The following RPS6KC1 variants were observed in gnomAD, a reference collection of about 807,000 sequenced individuals.
RPS6KC1 encodes the protein inactive ribosomal protein S6 kinase delta-1.
In RPS6KC1, 54 loss-of-function variants were observed where a neutral mutation model predicts 103.8. That is an observed-to-expected ratio of 0.52 (90% confidence interval 0.42 to 0.65). RPS6KC1 has a LOEUF of 0.65. Among genes scored for constraint, RPS6KC1 ranks in the 30% least tolerant of loss-of-function variants. The pLI is 0.00. For synonymous variants in RPS6KC1, 439 were observed against 438.7 expected (o/e 1.00, Z -0.01); for missense variants, 1,151 against 1,253.8 (o/e 0.92, Z 1.24).
chr1:213,519,663 C>G, the RPS6KC1 span, among the ~76,000 whole-genome samples: 2 of 152,140 alleles, frequency 1.3e-5, no homozygotes, highest in South Asian at 4.1e-4. Context: ...GATCCTCTCC[C>G]CTGCATACAG....
the RPS6KC1 span, among the ~76,000 whole-genome samples, chr1:213,757,400 G>A: frequency 6.0e-4 from 91 of 152,344 alleles, no homozygotes; most frequent in African/African-American, 1.8e-3. Context: ...GAAAGTTTGA[G>A]TGGTCCAGAT....
the RPS6KC1 span, among the ~76,000 whole-genome samples, chr1:213,655,602 A>T: frequency 6.6e-6 from 1 of 152,214 alleles, no homozygotes; most frequent in Admixed American, 6.5e-5. Context: ...GCAGAGAGAA[A>T]TTCAAAATTA....
chr1:213,205,566 A>ATATATATATATT (rs1558534453), intron 8 of RPS6KC1, among the ~76,000 whole-genome samples: 1 of 141,054 alleles, frequency 7.1e-6, no homozygotes, highest in African/African-American at 2.6e-5. Context: ...ATATATATAT[A>ATATATATATATT]TTTCAAAAGA....
the RPS6KC1 span, among the ~76,000 whole-genome samples, chr1:213,457,672 A>G: frequency 6.6e-6 from 1 of 152,326 alleles, no homozygotes; most frequent in African/African-American, 2.4e-5. Flanking sequence ...TGATCCAGCA[A>G]GTGGTGTATT....
At chr1:213,164,931 C>T (rs1037963669) in intron 6 of RPS6KC1, among the ~76,000 whole-genome samples, 3 of 152,170 alleles carry the variant, frequency 2.0e-5, no homozygotes, top group African/African-American at 7.2e-5. Flanking sequence ...AACAGATAAT[C>T]ATTGTGGACT....
intron 3 of RPS6KC1, among the ~76,000 whole-genome samples, chr1:213,085,884 G>A (rs1451959841): frequency 6.6e-6 from 1 of 151,696 alleles, no homozygotes; most frequent in African/African-American, 2.4e-5. Context: ...TTTTAAGCTG[G>A]ATTCTGTGTC....
At chr1:213,755,610 G>T in the RPS6KC1 span, among the ~76,000 whole-genome samples, 2 of 152,200 alleles carry the variant, frequency 1.3e-5, no homozygotes, top group Admixed American at 6.5e-5. Flanking sequence ...GGGAAAAGGG[G>T]CCCAAAGCCT....
chr1:213,247,224 G>T (rs2094468058), intron 12 of RPS6KC1, among the ~76,000 whole-genome samples: 1 of 152,198 alleles, frequency 6.6e-6, no homozygotes, highest in Non-Finnish European at 1.5e-5. Context: ...GATGTCAAAT[G>T]ACAGCTTTGC....
chr1:213,617,045 G>T, the RPS6KC1 span, among the ~76,000 whole-genome samples: 258 of 152,292 alleles, frequency 1.7e-3, 4 homozygotes, highest in East Asian at 0.044. Context: ...ATGTCAATAT[G>T]ATAGGTCTGA....
At chr1:213,289,109 T>TC in the RPS6KC1 span, among the ~76,000 whole-genome samples, 6 of 152,110 alleles carry the variant, frequency 3.9e-5, no homozygotes, top group Admixed American at 3.3e-4. Context: ...TGTATTATCT[T>TC]CTCACATGCC....
intron 6 of RPS6KC1, among the ~76,000 whole-genome samples, chr1:213,152,645 G>C (rs1484411187): frequency 6.7e-6 from 1 of 149,148 alleles, no homozygotes; most frequent in Admixed American, 6.6e-5. Flanking sequence ...GACGATGGGC[G>C]GCCGGGCAGA....
chr1:213,388,285 C>T, the RPS6KC1 span, among the ~76,000 whole-genome samples: 24 of 152,326 alleles, frequency 1.6e-4, no homozygotes, highest in African/African-American at 5.3e-4. Flanking sequence ...CAGAAGGGCA[C>T]GAAGACGTGG....
At chr1:213,784,925 A>C in the RPS6KC1 span, among the ~76,000 whole-genome samples, 6 of 152,168 alleles carry the variant, frequency 3.9e-5, no homozygotes, top group Non-Finnish European at 7.3e-5. Flanking sequence ...GAGATATTAT[A>C]CTAAAATGTG....
At chr1:213,074,876 G>A (rs1224448924) in intron 2 of RPS6KC1, among the ~76,000 whole-genome samples, 7 of 32,652 alleles carry the variant, frequency 2.1e-4, no homozygotes, top group Non-Finnish European at 3.8e-4. Context: ...TTTTTTTTAC[G>A]GAGTCTCGCT....
chr1:213,389,859 T>G, the RPS6KC1 span, among the ~76,000 whole-genome samples: 7 of 152,186 alleles, frequency 4.6e-5, no homozygotes, highest in Non-Finnish European at 8.8e-5. Flanking sequence ...TTTAGGGTTT[T>G]TTTTCATCCC....
the RPS6KC1 span, among the ~76,000 whole-genome samples, chr1:213,498,600 G>A: frequency 6.6e-6 from 1 of 150,798 alleles, no homozygotes. Context: ...GACTACAGGC[G>A]CCTGCCACCA....
intron 8 of RPS6KC1, among the ~76,000 whole-genome samples, chr1:213,226,452 A>G (rs76602629): frequency 0.044 from 6,711 of 152,268 alleles, 242 homozygotes; most frequent in African/African-American, 0.095. Context: ...TGTAACTCAA[A>G]GGGCAGCTAT....
At chr1:213,646,506 A>G in the RPS6KC1 span, among the ~76,000 whole-genome samples, 1 of 152,178 alleles carries the variant, frequency 6.6e-6, no homozygotes, top group Admixed American at 6.5e-5. Flanking sequence ...TCTGTGCAGT[A>G]CCATCAGCCC....
At chr1:213,090,201 C>CT (rs1358160513) in intron 3 of RPS6KC1, among the ~76,000 whole-genome samples, 7 of 152,200 alleles carry the variant, frequency 4.6e-5, no homozygotes, top group African/African-American at 1.7e-4. Context: ...TTTAAGAAGT[C>CT]ATCAGTCTGA....
Sources: allele counts gnomAD v4.1 joint callset (sites outside exome capture counted in the v4.1 genomes callset), GRCh38; gene constraint gnomAD v4.1.1; transcripts MANE v1.5; gene names NCBI Gene and HGNC (gene_info 2026-07-23, HGNC 2026-07-21).